Variants in ADCY3 observed in about 807,000 individuals in gnomAD.
The protein encoded by ADCY3 is adenylate cyclase type 3.
Under a neutral mutation model 119.4 loss-of-function variants are expected in ADCY3, and 70 were observed. The ratio of observed to expected loss-of-function variants is 0.59; its 90% CI spans 0.48 to 0.72. The LOEUF is 0.72. Ranked by LOEUF, ADCY3 falls within the 30% of genes least tolerant of loss-of-function variation. The probability of loss-of-function intolerance (pLI) is 0.00; values close to 1 mark genes in which losing one functional copy is unlikely to be tolerated. For synonymous variants in ADCY3, 672 were observed against 621.4 expected, an observed-to-expected ratio of 1.08 and a Z score of -1.21; for missense variants, 1,238 against 1,541.6, an observed-to-expected ratio of 0.80 and a Z score of 3.30.
intron 2 of ADCY3, among the ~76,000 whole-genome samples, chr2:24,915,012 C>A (rs1466998877): frequency 6.6e-6 from 1 of 152,226 alleles, no homozygotes; most frequent in Non-Finnish European, 1.5e-5. Context: ...TCTGACCTCT[C>A]AGGCTGCCAA....
At chr2:24,847,011 T>TA (rs1193947882) in intron 3 of ADCY3, among the ~76,000 whole-genome samples, 6 of 152,200 alleles carry the variant, frequency 3.9e-5, no homozygotes, top group Non-Finnish European at 8.8e-5. Flanking sequence ...ATGGTTGGTT[T>TA]TGAAATGTGA....
chr2:24,885,737 C>T (rs1676951097), intron 2 of ADCY3, among the ~76,000 whole-genome samples: 1 of 152,220 alleles, frequency 6.6e-6, no homozygotes. Flanking sequence ...CAAGTACCAC[C>T]TTCTGCTCAA....
chr2:24,914,488 C>T (rs1271620003), intron 2 of ADCY3, among the ~76,000 whole-genome samples: 1 of 152,092 alleles, frequency 6.6e-6, no homozygotes, highest in Non-Finnish European at 1.5e-5. Context: ...GCCTGGCCAA[C>T]ATGGTGAAAT....
chr2:24,883,825 C>T (rs1352389527), intron 2 of ADCY3, among the ~76,000 whole-genome samples: 3 of 152,190 alleles, frequency 2.0e-5, no homozygotes, highest in African/African-American at 7.2e-5. Flanking sequence ...TCACTGATGA[C>T]ACAGAAACAC....
In ADCY3 at chr2:24,841,489, G is replaced by A. The variant is rs2148577044; in HGVS notation, c.1068+67C>T. 1.3e-6 allele frequency: 2 copies of A among 1,589,692 alleles called. No homozygotes were observed. Among genetic ancestry groups the A allele is most frequent in the Non-Finnish European group, 1.7e-6 (2 of 1,165,222 alleles). Reference sequence around the variant, plus strand: ...AGTGGGAGAAAATCATGGGGCCGGGGATGGGGGCCAGGCAGAGGCCATGAG... The same window carrying A: ...AGTGGGAGAAAATCATGGGGCCGGGAATGGGGGCCAGGCAGAGGCCATGAG... On this transcript the variant is annotated intron_variant, in intron 5 of 21. Coordinates refer to ENST00000679454, the MANE Select transcript of ADCY3 (RefSeq NM_004036.5). This position sits in a 1 kb window ranked among gnomAD's most constrained non-coding sequence, Gnocchi z 5.8.
At chr2:24,867,980 A>T (rs1183667239) in intron 3 of ADCY3, among the ~76,000 whole-genome samples, 1 of 152,212 alleles carries the variant, frequency 6.6e-6, no homozygotes, top group Non-Finnish European at 1.5e-5. Flanking sequence ...GGCAGATGCA[A>T]ATATGACATA....
At position 24,843,856 on chromosome 2, in the gene ADCY3, C is replaced by T. The variant is rs546734183; in HGVS notation, c.826-1472G>A. Among the ~76,000 whole-genome samples, 19 of 152,282 alleles carry T rather than the reference C, an allele frequency of 1.2e-4. No homozygotes were observed. In the East Asian group the frequency reaches 3.3e-3, roughly 26 times the overall value. On this transcript the variant is annotated intron_variant, in intron 3 of 21. Coordinates refer to ENST00000679454, the MANE Select transcript of ADCY3 (RefSeq NM_004036.5). ...AAACCAGGGACAGAATGTGGTGCTG[C>T]GGAGGCGAAGCCAGGGACCAGAGGC...
At chr2:24,880,266 T>C (rs1218684123) in intron 2 of ADCY3, among the ~76,000 whole-genome samples, 1 of 152,236 alleles carries the variant, frequency 6.6e-6, no homozygotes, top group Non-Finnish European at 1.5e-5. Context: ...GCCAGGCAGC[T>C]AGAGCAGCTT....
At chr2:24,866,840 G>C (rs1034646518) in intron 3 of ADCY3, among the ~76,000 whole-genome samples, 4 of 152,060 alleles carry the variant, frequency 2.6e-5, no homozygotes, top group Non-Finnish European at 5.9e-5. Flanking sequence ...ACAAACCAGA[G>C]GAAGACAGGA....
chr2:24,901,678 C>T (rs1678910750), intron 2 of ADCY3, among the ~76,000 whole-genome samples: 1 of 151,640 alleles, frequency 6.6e-6, no homozygotes, highest in South Asian at 2.1e-4. Context: ...GGGGTGGTGG[C>T]TAACACCGGT....
intron 3 of ADCY3, among the ~76,000 whole-genome samples, chr2:24,871,413 G>C (rs919925533): frequency 6.6e-6 from 1 of 152,214 alleles, no homozygotes; most frequent in African/African-American, 2.4e-5. Context: ...CTCCTATGGG[G>C]GCCTTCTGTA....
At chr2:24,861,720 C>T (rs1214716910) in intron 3 of ADCY3, among the ~76,000 whole-genome samples, 2 of 152,190 alleles carry the variant, frequency 1.3e-5, no homozygotes, top group African/African-American at 4.8e-5. Context: ...CAACGTCAGC[C>T]CCAATGCCTT....
In ADCY3 at chr2:24,919,330, G is replaced by A; in HGVS notation, c.-197-146C>T. ...CCTGCCACCCCCGGCTCACACCACC[G>A]CCCACCGCAGGCACACTTAGTCCTG... On this transcript the variant is annotated intron_variant, in intron 1 of 21. Transcript: ENST00000679454. The surrounding 1 kb of genome is among the most constrained non-coding windows in gnomAD (Gnocchi z 5.5). 1 of 274,364 alleles carries A rather than the reference G, an allele frequency of 3.6e-6. No individual in the cohort carries two copies. Among genetic ancestry groups the A allele is most frequent in the Non-Finnish European group, 7.0e-6 (1 of 143,110 alleles). 17.0% of individuals were successfully genotyped at this position (274,364 alleles called of 1,614,324 possible). A position where few individuals can be genotyped will look rare whatever the true frequency, so the allele number is the denominator to read the frequency against.
chr2:24,834,428 C>T lies in ADCY3; in HGVS notation c.1967+57G>A, dbSNP rs969948583. On this transcript the variant is annotated intron_variant, in intron 11 of 21. Transcript: ENST00000679454. The surrounding 1 kb of genome is among the most constrained non-coding windows in gnomAD (Gnocchi z 4.2). ...CCGCTGAGACACCTGCCCCCGCCCCCCGCCCGGCACCACCGCAGCCGAGGA... is the reference window on the plus strand; with the variant it reads ...CCGCTGAGACACCTGCCCCCGCCCCTCGCCCGGCACCACCGCAGCCGAGGA... 3 of 1,166,948 alleles carry T rather than the reference C, an allele frequency of 2.6e-6. No individual in the cohort carries two copies. The highest frequency in any genetic ancestry group is 3.6e-6 in the Non-Finnish European group (3 of 832,164). The allele number at this position is 1,166,948 out of a possible 1,614,324, so 72.3% of individuals were successfully genotyped here.
intron 2 of ADCY3, among the ~76,000 whole-genome samples, chr2:24,893,787 T>C (rs986068320): frequency 1.3e-5 from 2 of 151,024 alleles, no homozygotes; most frequent in Non-Finnish European, 3.0e-5. Flanking sequence ...TTAGTATTTT[T>C]TGTAGAGATA....
At chr2:24,831,911 G>T (rs868011054) in intron 11 of ADCY3, among the ~76,000 whole-genome samples, 162 bp from the exon 12 acceptor site, 114 of 81,298 alleles carry the variant, frequency 1.4e-3, no homozygotes, top group Middle Eastern at 0.013. Flanking sequence ...CAGCGGACAG[G>T]GGCCAGGGGA....
intron 13 of ADCY3, 118 bp from the exon 14 acceptor site, chr2:24,828,279 T>G: frequency 1.6e-6 from 2 of 1,259,988 alleles, no homozygotes; most frequent in Non-Finnish European, 2.2e-6. Context: ...CCCCCAGAAA[T>G]ACCGGGAAAG....
chr2:24,865,035 A>C (rs928353418), intron 3 of ADCY3, among the ~76,000 whole-genome samples: 3 of 152,218 alleles, frequency 2.0e-5, no homozygotes, highest in Non-Finnish European at 4.4e-5. Context: ...CAGTAGCAAA[A>C]GATTGGAAAT....
At chr2:24,865,381 G>A (rs1353235305) in intron 3 of ADCY3, among the ~76,000 whole-genome samples, 1 of 152,108 alleles carries the variant, frequency 6.6e-6, no homozygotes, top group Non-Finnish European at 1.5e-5. Context: ...GGAGGCGGAA[G>A]TTGTGAGTCG....
Sources: allele counts gnomAD v4.1 joint callset (sites outside exome capture counted in the v4.1 genomes callset), GRCh38; gene constraint gnomAD v4.1.1; non-coding constraint Gnocchi (gnomAD v3.1); transcripts MANE v1.5; gene names NCBI Gene and HGNC (gene_info 2026-07-23, HGNC 2026-07-21).